HUNK: variants seen among roughly 807,000 people sequenced by gnomAD.
HUNK encodes the protein hormonally up-regulated Neu-associated kinase, also known as hormonally up-regulated neu tumor-associated kinase.
A neutral mutation model predicts 61.0 loss-of-function variants in HUNK; 21 were observed. The ratio of observed to expected loss-of-function variants is 0.34; its 90% confidence interval spans 0.24 to 0.50. The LOEUF is 0.50. Ranked by LOEUF, HUNK falls within the 20% of genes least tolerant of loss-of-function variation. The pLI, the probability that HUNK is intolerant of heterozygous loss-of-function variation, is 0.98. For synonymous variants in HUNK, 371 were observed against 386.1 expected, an observed-to-expected ratio of 0.96 and a Z score of 0.46; for missense variants, 772 against 945.7, an observed-to-expected ratio of 0.82 and a Z score of 2.41.
At position 31,946,163 on chromosome 21, in the gene HUNK, C is replaced by A; in HGVS notation, c.738C>A (p.Val246=). 1 of 1,612,060 alleles carries A rather than the reference C, an allele frequency of 6.2e-7. No homozygotes were observed. Among genetic ancestry groups the A allele is most frequent in the South Asian group, 1.1e-5 (1 of 90,984 alleles). ...AGAAATACGGCCCCAAAATCGATGT[C>A]TGGTCCATGTGAGTTATCAAGCTTC... ...ARKKYGPKID[V]WSIGVNMYAM... is the part of the protein sequence containing the mutation. The change falls in exon 4 of 11, where the codon GTC becomes GTA. Residue 246 remains valine, a synonymous_variant. Coordinates refer to ENST00000270112, the MANE Select transcript of HUNK (RefSeq NM_014586.2).
At chr21:31,992,718 G>A (rs1359375173) in intron 9 of HUNK, among the ~76,000 whole-genome samples, 1 of 152,248 alleles carries the variant, frequency 6.6e-6, no homozygotes, top group Non-Finnish European at 1.5e-5. Context: ...TGTTATGTAA[G>A]GCAATTTAGC....
intron 1 of HUNK, among the ~76,000 whole-genome samples, chr21:31,880,142 A>G (rs1298928936): frequency 6.6e-6 from 1 of 152,154 alleles, no homozygotes; most frequent in African/African-American, 2.4e-5. Context: ...ACAGTGTTTT[A>G]CGGTTTTTTT....
At chr21:31,903,072 A>C (rs1169453813) in intron 1 of HUNK, among the ~76,000 whole-genome samples, 1 of 152,118 alleles carries the variant, frequency 6.6e-6, no homozygotes, top group Admixed American at 6.5e-5. Context: ...AAGCCACATT[A>C]AACTCTTTCT....
intron 2 of HUNK, among the ~76,000 whole-genome samples, chr21:31,926,181 G>A (rs572127112): frequency 1.3e-5 from 2 of 152,236 alleles, no homozygotes; most frequent in South Asian, 4.1e-4. Flanking sequence ...GCCTCCCGAA[G>A]TGCTGGGATT....
chr21:31,883,506 T>G (rs1279373683), intron 1 of HUNK, among the ~76,000 whole-genome samples: 1 of 152,208 alleles, frequency 6.6e-6, no homozygotes, highest in Admixed American at 6.5e-5. Context: ...GAGCTCTTTA[T>G]ATATTAAGGA....
chr21:31,875,617 G>A (rs931235194), intron 1 of HUNK, among the ~76,000 whole-genome samples: 1 of 152,284 alleles, frequency 6.6e-6, no homozygotes, highest in East Asian at 1.9e-4. Context: ...CTGCGGGTCC[G>A]TTCAGGGCGC....
chr21:31,968,872 G>A (rs1199432959), intron 6 of HUNK, among the ~76,000 whole-genome samples: 1 of 132,124 alleles, frequency 7.6e-6, no homozygotes, highest in Non-Finnish European at 1.7e-5. Flanking sequence ...GTGTGTGTGT[G>A]TGTATGTCTT....
At chr21:31,974,995 T>C (rs1203560372) in intron 7 of HUNK, among the ~76,000 whole-genome samples, 1 of 151,084 alleles carries the variant, frequency 6.6e-6, no homozygotes, top group Non-Finnish European at 1.5e-5. Context: ...ATCTCTGTTG[T>C]CTTTTTTTTT....
intron 1 of HUNK, 98 bp downstream of exon 1, chr21:31,874,033 C>A (rs1372924441): frequency 1.1e-6 from 1 of 945,292 alleles, no homozygotes; most frequent in Non-Finnish European, 1.4e-6. Flanking sequence ...AGTGTGCAGT[C>A]CCGGGCCAAG....
At chr21:31,935,028 C>G (rs2052723868) in intron 2 of HUNK, among the ~76,000 whole-genome samples, 1 of 152,102 alleles carries the variant, frequency 6.6e-6, no homozygotes, top group African/African-American at 2.4e-5. Context: ...ATTTTTCTGC[C>G]TCTTTGGATC....
chr21:31,977,151 A>G (rs916140396), intron 7 of HUNK, among the ~76,000 whole-genome samples: 1 of 152,216 alleles, frequency 6.6e-6, no homozygotes, highest in Non-Finnish European at 1.5e-5. Context: ...TATATCTTAT[A>G]GCGTACATGA....
intron 6 of HUNK, among the ~76,000 whole-genome samples, chr21:31,970,877 T>C (rs1336803471): frequency 2.0e-5 from 3 of 152,070 alleles, no homozygotes; most frequent in African/African-American, 4.8e-5. Context: ...GTTTTTGCAT[T>C]TGGACTTGGT....
intron 1 of HUNK, among the ~76,000 whole-genome samples, chr21:31,904,308 G>A (rs1800332858): frequency 6.6e-6 from 1 of 152,082 alleles, no homozygotes; most frequent in African/African-American, 2.4e-5. Flanking sequence ...ATGGTAAAGA[G>A]TAGAAACTAC....
chr21:31,886,972 A>G (rs2052351199), intron 1 of HUNK, among the ~76,000 whole-genome samples: 2 of 152,176 alleles, frequency 1.3e-5, no homozygotes, highest in Non-Finnish European at 2.9e-5. Context: ...GCATGGTTTG[A>G]TCTTCCCAAG....
intron 3 of HUNK, among the ~76,000 whole-genome samples, chr21:31,940,503 T>C (rs2052762113): frequency 6.6e-6 from 1 of 152,244 alleles, no homozygotes; most frequent in South Asian, 2.1e-4. Flanking sequence ...GAAAGATAGT[T>C]TGGCTTAGAA....
chr21:31,888,211 G>A (rs1202477906), intron 1 of HUNK, among the ~76,000 whole-genome samples: 1 of 152,150 alleles, frequency 6.6e-6, no homozygotes, highest in Non-Finnish European at 1.5e-5. Context: ...TCATCAGAGT[G>A]TTTGGAGTCC....
intron 4 of HUNK, among the ~76,000 whole-genome samples, chr21:31,954,352 CTGTG>C (rs1424810494): frequency 1.3e-5 from 2 of 152,212 alleles, no homozygotes; most frequent in African/African-American, 4.8e-5. Context: ...TTCTCGATAA[CTGTG>C]TGTGTTGACG....
chr21:31,974,800 C>G, intron 7 of HUNK, 83 bp downstream of exon 7: 8 of 1,303,170 alleles, frequency 6.1e-6, no homozygotes, highest in Non-Finnish European at 8.4e-6. Context: ...CAGTTGCTGA[C>G]ACTTGATCCA....
At chr21:31,937,692 T>C (rs748509461) in intron 2 of HUNK, among the ~76,000 whole-genome samples, 1 of 152,262 alleles carries the variant, frequency 6.6e-6, no homozygotes, top group African/African-American at 2.4e-5. Flanking sequence ...GTTAACCTTT[T>C]AATGTATGGT....
Sources: allele counts gnomAD v4.1 joint callset (sites outside exome capture counted in the v4.1 genomes callset), GRCh38; gene constraint gnomAD v4.1.1; transcripts MANE v1.5; gene names NCBI Gene and HGNC (gene_info 2026-07-23, HGNC 2026-07-21).